NYAP2: variants seen among roughly 807,000 people sequenced by gnomAD.
The protein encoded by NYAP2 is neuronal tyrosine-phosphorylated phosphoinositide-3-kinase adapter 2.
Under a neutral mutation model 50.4 loss-of-function variants are expected in NYAP2, and 23 were observed. The observed-to-expected ratio is 0.46, with a 90% confidence interval of 0.33 to 0.65. The LOEUF (loss-of-function observed/expected upper bound fraction) is 0.65. Ranked by LOEUF, NYAP2 falls within the 30% of genes least tolerant of loss-of-function variation. The pLI is 0.02. For missense variants in NYAP2, 885 were observed against 861.0 expected, an observed-to-expected ratio of 1.03 and a Z score of -0.35; for synonymous variants, 394 against 365.2, an observed-to-expected ratio of 1.08 and a Z score of -0.90.
chr2:225,612,796 GGACATCACACCCAATGTGTGTGAT>G (rs67035731), intron 5 of NYAP2, among the ~76,000 whole-genome samples: 40,185 of 123,956 alleles, frequency 0.32, 5,678 homozygotes, highest in African/African-American at 0.37. Flanking sequence ...CCCCACCTTT[GGACATCACACCCAATGTGTGTGAT>G]GACATCACAC....
At chr2:225,694,431 T>G in the NYAP2 span, among the ~76,000 whole-genome samples, 2 of 151,818 alleles carry the variant, frequency 1.3e-5, no homozygotes, top group East Asian at 3.9e-4. Flanking sequence ...ATTTATTATA[T>G]CCAAAACAAT....
At chr2:225,664,633 C>T in the NYAP2 span, among the ~76,000 whole-genome samples, 2 of 152,094 alleles carry the variant, frequency 1.3e-5, no homozygotes, top group African/African-American at 4.8e-5. Context: ...CTTTGGGAGG[C>T]AGAGGTGGTT....
intron 3 of NYAP2, among the ~76,000 whole-genome samples, chr2:225,439,578 G>A (rs1482158858): frequency 6.6e-6 from 1 of 152,136 alleles, no homozygotes; most frequent in East Asian, 1.9e-4. Flanking sequence ...AGACAAGAAT[G>A]TTTCATGAGT....
At chr2:225,620,469 ACACGCACACGCACG>A (rs1243814103) in intron 5 of NYAP2, among the ~76,000 whole-genome samples, 4 of 149,438 alleles carry the variant, frequency 2.7e-5, no homozygotes, top group East Asian at 2.0e-4. Flanking sequence ...ACGCGCATGC[ACACGCACACGCACG>A]CACGCACACA....
chr2:225,482,625 CA>C (rs1690225608), intron 3 of NYAP2, among the ~76,000 whole-genome samples: 1 of 152,124 alleles, frequency 6.6e-6, no homozygotes, highest in Non-Finnish European at 1.5e-5. Flanking sequence ...TCAAATGCAG[CA>C]GAAAAATCAA....
intron 3 of NYAP2, among the ~76,000 whole-genome samples, chr2:225,462,260 G>C (rs568468771): frequency 6.6e-6 from 1 of 152,256 alleles, no homozygotes; most frequent in East Asian, 1.9e-4. Flanking sequence ...TGGGAAAAAA[G>C]ATCTGAAAGT....
chr2:225,584,542 C>A (rs1009608440), intron 5 of NYAP2, among the ~76,000 whole-genome samples: 1 of 152,210 alleles, frequency 6.6e-6, no homozygotes, highest in Non-Finnish European at 1.5e-5. Context: ...CTCAAGTAAT[C>A]CCTCCATGTG....
intron 5 of NYAP2, among the ~76,000 whole-genome samples, chr2:225,594,724 A>G (rs544292842): frequency 3.9e-5 from 6 of 152,176 alleles, no homozygotes; most frequent in Non-Finnish European, 8.8e-5. Flanking sequence ...TTTTTTTGGA[A>G]TTCAGTAAAT....
intron 3 of NYAP2, among the ~76,000 whole-genome samples, chr2:225,507,628 GA>G (rs1393753954): frequency 1.3e-5 from 2 of 152,190 alleles, no homozygotes; most frequent in Non-Finnish European, 2.9e-5. Flanking sequence ...TTCTTTGTGT[GA>G]AGTTTTTTGA....
chr2:225,453,829 G>A (rs1469094518), intron 3 of NYAP2, among the ~76,000 whole-genome samples: 5 of 144,600 alleles, frequency 3.5e-5, no homozygotes, highest in East Asian at 2.0e-4. Context: ...CACCACGCCC[G>A]GCTAATTTTT....
At chr2:225,413,995 T>C (rs1695086830) in intron 3 of NYAP2, among the ~76,000 whole-genome samples, 1 of 152,198 alleles carries the variant, frequency 6.6e-6, no homozygotes, top group Non-Finnish European at 1.5e-5. Flanking sequence ...ATGATTGACC[T>C]TCTGGATCAC....
At chr2:225,547,902 G>A (rs1415127220) in intron 4 of NYAP2, among the ~76,000 whole-genome samples, 4 of 152,188 alleles carry the variant, frequency 2.6e-5, no homozygotes, top group Non-Finnish European at 5.9e-5. Context: ...CCACCCTCAA[G>A]CTGTATATTC....
chr2:225,399,227 T>C (rs1025485961), upstream of NYAP2, among the ~76,000 whole-genome samples: 1 of 152,066 alleles, frequency 6.6e-6, no homozygotes, highest in Admixed American at 6.6e-5. Context: ...ATCAGAAACA[T>C]ATTATATATT....
intron 6 of NYAP2, among the ~76,000 whole-genome samples, chr2:225,637,718 G>A (rs1693446204): frequency 1.3e-5 from 2 of 152,130 alleles, no homozygotes; most frequent in Non-Finnish European, 2.9e-5. Context: ...GACTTCTGCT[G>A]GCTAGAATGC....
chr2:225,582,903 G>T lies in NYAP2; in HGVS notation c.1486G>T (p.Gly496Trp), dbSNP rs907521109. The T allele has an allele frequency of 6.2e-7, 1 of 1,613,238 alleles. No homozygotes were observed. The highest frequency in any genetic ancestry group is 8.5e-7 in the Non-Finnish European group (1 of 1,179,878). ...GGTCAACGCCGCGGTGAACACCTAC[G>T]GGGCAGCCCCGGGTGGCTCCCGGTC... Residue 496 changes from glycine (G) to tryptophan (W), a missense_variant, in exon 5 of 7, where the codon GGG becomes TGG. Physicochemically the swap from Gly to Trp is radical, Grantham distance 184. Coordinates refer to ENST00000636099, the Ensembl canonical transcript of NYAP2. This position sits in a 1 kb window ranked among gnomAD's most constrained non-coding sequence, Gnocchi z 7.0.
intron 3 of NYAP2, among the ~76,000 whole-genome samples, chr2:225,480,484 G>A (rs1690187998): frequency 6.6e-6 from 1 of 152,078 alleles, no homozygotes; most frequent in South Asian, 2.1e-4. Context: ...AAGGAATGTA[G>A]ATAAGTGAAC....
chr2:225,496,579 A>ACAAAAT (rs1690509763), intron 3 of NYAP2, among the ~76,000 whole-genome samples: 1 of 152,200 alleles, frequency 6.6e-6, no homozygotes, highest in Non-Finnish European at 1.5e-5. Context: ...AAAAACAAAA[A>ACAAAAT]CAAAAACAAT....
At chr2:225,608,649 T>TA (rs1321399119) in intron 5 of NYAP2, among the ~76,000 whole-genome samples, 2 of 152,154 alleles carry the variant, frequency 1.3e-5, no homozygotes, top group African/African-American at 2.4e-5. Flanking sequence ...TTTGCTGTGC[T>TA]ATTTTGTCAG....
chr2:225,564,813 T>A (rs1312076906), intron 4 of NYAP2, among the ~76,000 whole-genome samples: 1 of 152,136 alleles, frequency 6.6e-6, no homozygotes, highest in African/African-American at 2.4e-5. Flanking sequence ...AGAAAATAAC[T>A]CACCAATGTA....
Sources: gnomAD v4.1 joint callset for allele counts (sites outside exome capture counted in the v4.1 genomes callset) on GRCh38, gnomAD v4.1.1 for gene constraint, Gnocchi (gnomAD v3.1) non-coding constraint, MANE v1.5 for transcripts, NCBI Gene and HGNC (gene_info 2026-07-23, HGNC 2026-07-21) for gene names.